APBB2: variants seen among roughly 807,000 people sequenced by gnomAD.
APBB2 encodes the protein amyloid beta precursor protein binding family B member 2.
A neutral mutation model predicts 82.5 loss-of-function variants in APBB2; 38 were observed. The ratio of observed to expected loss-of-function variants is 0.46; its 90% CI spans 0.36 to 0.60. The LOEUF (loss-of-function observed/expected upper bound fraction) is 0.60, where lower values mean the gene tolerates loss of function less well. APBB2 is among the 20% of genes least tolerant of loss of function. The probability of loss-of-function intolerance (pLI) is 0.00; values close to 1 mark genes in which losing one functional copy is unlikely to be tolerated. For missense variants in APBB2, 772 were observed against 972.3 expected (o/e 0.79, Z 2.74); for synonymous variants, 341 against 368.2 (o/e 0.93, Z 0.85).
intron 10 of APBB2, among the ~76,000 whole-genome samples, chr4:40,897,845 C>G (rs1485223013): frequency 2.0e-5 from 3 of 151,960 alleles, no homozygotes; most frequent in African/African-American, 7.3e-5. Flanking sequence ...GAAGGGATGC[C>G]GGGCGTAATC....
chr4:41,022,127 C>G (rs61138159), intron 5 of APBB2, among the ~76,000 whole-genome samples: 1 of 152,120 alleles, frequency 6.6e-6, no homozygotes, highest in African/African-American at 2.4e-5. Flanking sequence ...GAATAAATTC[C>G]GGACACAGAG....
chr4:41,086,193 C>G (rs950131760), intron 3 of APBB2, among the ~76,000 whole-genome samples: 2 of 152,044 alleles, frequency 1.3e-5, no homozygotes, highest in Admixed American at 6.6e-5. Flanking sequence ...AACCTCCCAA[C>G]AAAGAAAACC....
At chr4:41,207,384 G>C (rs1473150036) in intron 1 of APBB2, among the ~76,000 whole-genome samples, 2 of 151,986 alleles carry the variant, frequency 1.3e-5, no homozygotes, top group African/African-American at 2.4e-5. Context: ...CAGAGGTCTG[G>C]GCCAAGCTGG....
intron 12 of APBB2, among the ~76,000 whole-genome samples, chr4:40,854,515 G>A (rs556160284): frequency 2.6e-5 from 4 of 152,174 alleles, no homozygotes; most frequent in Non-Finnish European, 5.9e-5. Context: ...GGCCTGGCGC[G>A]GTGGCTCACG....
chr4:40,891,853 A>G (rs1772117066), intron 11 of APBB2, among the ~76,000 whole-genome samples: 1 of 152,126 alleles, frequency 6.6e-6, no homozygotes, highest in Admixed American at 6.5e-5. Flanking sequence ...ACAACCACCT[A>G]CCTTCTAAAT....
chr4:40,883,525 T>G (rs1319157513), intron 12 of APBB2, among the ~76,000 whole-genome samples: 1 of 152,120 alleles, frequency 6.6e-6, no homozygotes, highest in Non-Finnish European at 1.5e-5. Context: ...AGGTGGAGGT[T>G]GCAGTGAGCC....
chr4:41,027,216 G>A (rs1207411461), intron 5 of APBB2, among the ~76,000 whole-genome samples: 1 of 149,188 alleles, frequency 6.7e-6, no homozygotes, highest in East Asian at 2.1e-4. Context: ...TCTGTGCAGT[G>A]AGCAGCAGGA....
At chr4:40,980,368 A>G (rs1342821459) in intron 6 of APBB2, among the ~76,000 whole-genome samples, 1 of 152,158 alleles carries the variant, frequency 6.6e-6, no homozygotes, top group Non-Finnish European at 1.5e-5. Flanking sequence ...GCATTTCTGG[A>G]AAGGATTCCC....
chr4:41,182,653 T>C (rs1771745131), intron 1 of APBB2, among the ~76,000 whole-genome samples: 1 of 152,200 alleles, frequency 6.6e-6, no homozygotes, highest in South Asian at 2.1e-4. Context: ...AGACATTTAA[T>C]TGACTCACAG....
rs146622767 is a variant in APBB2, at chr4:40,844,493, C to T, written c.1530-13916G>A. 4.4e-4 allele frequency among the ~76,000 whole-genome samples: 67 copies of T among 152,334 alleles called. 2 individuals carry two copies. In the East Asian group the frequency reaches 0.011, roughly 26 times the overall value. On this transcript the variant is annotated intron_variant, in intron 12 of 17. Transcript: ENST00000508593. ...TCTTCGGCTGGGTTGTGCTGGGCAG[C>T]ATTTGAGATGGACTGTCTCCCACGG...
chr4:40,857,115 C>G (rs1396204153), intron 12 of APBB2: 81 of 985,358 alleles, frequency 8.2e-5, no homozygotes, highest in Non-Finnish European at 9.6e-5. Flanking sequence ...CCAGCGGTGC[C>G]GTCGCTCAAG....
At chr4:41,006,960 G>C (rs1019537979) in intron 6 of APBB2, among the ~76,000 whole-genome samples, 3 of 152,132 alleles carry the variant, frequency 2.0e-5, no homozygotes, top group Non-Finnish European at 4.4e-5. Flanking sequence ...GACATAATTA[G>C]GTTTGTGACT....
chr4:40,871,888 A>T (rs1429222730), intron 12 of APBB2, among the ~76,000 whole-genome samples: 1 of 152,234 alleles, frequency 6.6e-6, no homozygotes, highest in Non-Finnish European at 1.5e-5. Flanking sequence ...CAGTCTAACC[A>T]GGGAGACACA....
intron 12 of APBB2, among the ~76,000 whole-genome samples, chr4:40,866,408 T>A (rs1244695440): frequency 6.6e-6 from 1 of 152,154 alleles, no homozygotes; most frequent in Non-Finnish European, 1.5e-5. Context: ...GCTTACCCGA[T>A]GATCGTTACT....
chr4:41,001,969 G>A (rs1236854725), intron 6 of APBB2, among the ~76,000 whole-genome samples: 1 of 152,048 alleles, frequency 6.6e-6, no homozygotes, highest in Admixed American at 6.5e-5. Flanking sequence ...CCAATGGCTG[G>A]GGTCATCTCA....
intron 7 of APBB2, among the ~76,000 whole-genome samples, chr4:40,937,962 C>A (rs1325760135): frequency 6.6e-6 from 1 of 152,158 alleles, no homozygotes; most frequent in Non-Finnish European, 1.5e-5. Context: ...CTGTATCCAC[C>A]CCCGTAGGGG....
intron 6 of APBB2, among the ~76,000 whole-genome samples, chr4:40,960,029 G>A (rs1228651043): frequency 1.3e-5 from 2 of 152,166 alleles, no homozygotes; most frequent in African/African-American, 4.8e-5. Context: ...TTCGTTAAGT[G>A]TATTTTAAAG....
At chr4:41,145,021 G>A (rs986905987) in intron 1 of APBB2, among the ~76,000 whole-genome samples, 1 of 152,244 alleles carries the variant, frequency 6.6e-6, no homozygotes, top group African/African-American at 2.4e-5. Context: ...TTAGGAGGCT[G>A]AGGTGGGAAG....
intron 12 of APBB2, among the ~76,000 whole-genome samples, chr4:40,842,948 C>G (rs1756337933): frequency 6.6e-6 from 1 of 152,028 alleles, no homozygotes; most frequent in Non-Finnish European, 1.5e-5. Flanking sequence ...GGGGAGAGAT[C>G]AGAGACGTCC....
Sources: gnomAD v4.1 joint callset for allele counts (sites outside exome capture counted in the v4.1 genomes callset) on GRCh38, gnomAD v4.1.1 for gene constraint, MANE v1.5 for transcripts, NCBI Gene and HGNC (gene_info 2026-07-23, HGNC 2026-07-21) for gene names.